Variants in FSTL5 observed in about 807,000 individuals in gnomAD.
The protein encoded by FSTL5 is follistatin like 5, also known as follistatin-related protein 5.
A neutral mutation model predicts 89.1 loss-of-function variants in FSTL5; 62 were observed. The ratio of observed to expected loss-of-function variants is 0.70; its 90% CI spans 0.57 to 0.86. The LOEUF (loss-of-function observed/expected upper bound fraction) is 0.86, where lower values mean the gene tolerates loss of function less well. Among genes scored for constraint, FSTL5 ranks in the 40% least tolerant of loss-of-function variants. FSTL5 has a pLI of 0.00. For synonymous variants in FSTL5, 383 were observed against 346.2 expected (o/e 1.11, Z -1.18); for missense variants, 1,057 against 1,001.6 (o/e 1.06, Z -0.75).
chr4:162,065,574 G>C lies in FSTL5; in HGVS notation c.127-31916C>G, dbSNP rs149023046. Among the ~76,000 whole-genome samples, 513 of 152,110 alleles carry C rather than the reference G, an allele frequency of 3.4e-3. 3 individuals are homozygous for C. The highest frequency in any genetic ancestry group is 0.012 in the African/African-American group (479 of 41,532). On this transcript the variant is annotated intron_variant, in intron 2 of 15. Coordinates refer to ENST00000306100, the MANE Select transcript of FSTL5 (RefSeq NM_020116.5). ...GAGGTAACACATTTGCAAGGGTATG[G>C]AGAAAAGGGTGTAAAGAAAAGGTAT... is the stretch of plus-strand genomic sequence containing the variant.
chr4:161,833,408 A>G (rs1168776066), intron 4 of FSTL5, among the ~76,000 whole-genome samples: 3 of 141,404 alleles, frequency 2.1e-5, no homozygotes, highest in African/African-American at 5.2e-5. Context: ...CTCTTGGTGC[A>G]GAGCTGAGTT....
intron 15 of FSTL5, among the ~76,000 whole-genome samples, chr4:161,451,499 T>G (rs1733161967): frequency 1.3e-5 from 2 of 152,186 alleles, no homozygotes; most frequent in African/African-American, 4.8e-5. Context: ...GGAGCCAGTT[T>G]CCCAGTAGAG....
chr4:161,468,778 T>C (rs1021879951), intron 13 of FSTL5, among the ~76,000 whole-genome samples: 48 of 152,206 alleles, frequency 3.2e-4, no homozygotes, highest in African/African-American at 1.2e-3. Flanking sequence ...TTTTCTTAGT[T>C]GCTTTTATTA....
intron 3 of FSTL5, among the ~76,000 whole-genome samples, chr4:162,007,184 C>T (rs1356608821): frequency 6.6e-6 from 1 of 151,790 alleles, no homozygotes; most frequent in Non-Finnish European, 1.5e-5. Flanking sequence ...AAGCGAATTG[C>T]TATCCTAGAG....
At chr4:161,827,211 G>A (rs756825411) in intron 4 of FSTL5, among the ~76,000 whole-genome samples, 1 of 152,138 alleles carries the variant, frequency 6.6e-6, no homozygotes, top group Non-Finnish European at 1.5e-5. Context: ...GAACTGTAGT[G>A]ATTATTTCTC....
At chr4:161,781,341 A>T (rs1348696333) in intron 4 of FSTL5, among the ~76,000 whole-genome samples, 1 of 150,748 alleles carries the variant, frequency 6.6e-6, no homozygotes, top group Non-Finnish European at 1.5e-5. Flanking sequence ...AAAAAAAAAA[A>T]TTTAAATCTA....
intron 4 of FSTL5, among the ~76,000 whole-genome samples, chr4:161,804,473 A>C (rs1170314321): frequency 6.6e-6 from 1 of 151,982 alleles, no homozygotes; most frequent in Non-Finnish European, 1.5e-5. Context: ...TTCCTTGAAA[A>C]AATTGTGGGC....
At chr4:162,003,664 T>C (rs1167968457) in intron 3 of FSTL5, among the ~76,000 whole-genome samples, 1 of 152,142 alleles carries the variant, frequency 6.6e-6, no homozygotes, top group Non-Finnish European at 1.5e-5. Context: ...GCCAATGTAG[T>C]GTAATTTTTG....
chr4:161,939,506 T>A (rs2110919100), intron 3 of FSTL5, among the ~76,000 whole-genome samples: 1 of 152,148 alleles, frequency 6.6e-6, no homozygotes, highest in African/African-American at 2.4e-5. Context: ...TGTTTTCTTC[T>A]TGATAACCTG....
At chr4:162,051,005 T>C (rs1053327519) in intron 2 of FSTL5, among the ~76,000 whole-genome samples, 16 of 151,648 alleles carry the variant, frequency 1.1e-4, no homozygotes, top group African/African-American at 3.9e-4. Flanking sequence ...AAATTTACCA[T>C]TTAAACCTCT....
chr4:161,578,875 C>G (rs1218539578), intron 8 of FSTL5, among the ~76,000 whole-genome samples: 1 of 151,832 alleles, frequency 6.6e-6, no homozygotes, highest in Non-Finnish European at 1.5e-5. Flanking sequence ...AATTTAATAT[C>G]CAACAGAAAT....
At chr4:161,809,643 T>C (rs895781791) in intron 4 of FSTL5, among the ~76,000 whole-genome samples, 3 of 152,232 alleles carry the variant, frequency 2.0e-5, no homozygotes, top group Non-Finnish European at 4.4e-5. Flanking sequence ...TGGTATATTA[T>C]TCAGCCTTAG....
At chr4:161,571,379 A>G (rs374526332) in intron 8 of FSTL5, among the ~76,000 whole-genome samples, 19 of 152,120 alleles carry the variant, frequency 1.2e-4, no homozygotes, top group Admixed American at 7.2e-4. Context: ...GGGAACAAAA[A>G]TGTGTGGGCC....
chr4:161,691,568 T>C (rs1737944726), intron 6 of FSTL5, among the ~76,000 whole-genome samples: 1 of 152,116 alleles, frequency 6.6e-6, no homozygotes, highest in Non-Finnish European at 1.5e-5. Flanking sequence ...GACATTGAGA[T>C]TTTGATAGGA....
In FSTL5 at chr4:161,706,129, G is replaced by A. The variant is rs528513817; in HGVS notation, c.728-49635C>T. 3.4e-4 allele frequency among the ~76,000 whole-genome samples: 51 copies of A among 150,248 alleles called. 1 individual carries two copies. In the South Asian group the frequency reaches 8.9e-3, roughly 26 times the overall value. On this transcript the variant is annotated intron_variant, in intron 6 of 15. Transcript: ENST00000306100. ...TGGATACAAACAAGGAAACAATGAC[G>A]AACAAGTAAAAAATATATATCTCAT...
intron 2 of FSTL5, among the ~76,000 whole-genome samples, chr4:162,081,006 T>C (rs1402419681): frequency 6.6e-6 from 1 of 151,682 alleles, no homozygotes; most frequent in Non-Finnish European, 1.5e-5. Flanking sequence ...TTTCCAAAAA[T>C]AATAATTGCA....
intron 6 of FSTL5, among the ~76,000 whole-genome samples, chr4:161,710,030 G>A (rs190189779): frequency 5.3e-5 from 8 of 152,088 alleles, no homozygotes; most frequent in Non-Finnish European, 1.0e-4. Context: ...GTGTAGCGGC[G>A]TGATCATGGC....
At chr4:161,586,103 T>A (rs1490323013) in intron 8 of FSTL5, among the ~76,000 whole-genome samples, 1 of 152,210 alleles carries the variant, frequency 6.6e-6, no homozygotes, top group Non-Finnish European at 1.5e-5. Context: ...CCAGTACACG[T>A]ACTTCTCATC....
chr4:162,131,473 T>C (rs1253949831), intron 1 of FSTL5, among the ~76,000 whole-genome samples: 1 of 152,222 alleles, frequency 6.6e-6, no homozygotes, highest in Non-Finnish European at 1.5e-5. Flanking sequence ...ATTTCTAAAA[T>C]TGGCCATCTG....
Sources: gnomAD v4.1 joint callset for allele counts (sites outside exome capture counted in the v4.1 genomes callset) on GRCh38, gnomAD v4.1.1 for gene constraint, MANE v1.5 for transcripts, NCBI Gene and HGNC (gene_info 2026-07-23, HGNC 2026-07-21) for gene names.